ARHGAP20: variants seen among roughly 807,000 people sequenced by gnomAD.
ARHGAP20 encodes rho GTPase-activating protein 20.
In ARHGAP20, 34 loss-of-function variants were observed where a neutral mutation model predicts 73.7. That is an observed-to-expected ratio of 0.46 (90% CI 0.35 to 0.61). The LOEUF is 0.61. ARHGAP20 is among the 20% of genes least tolerant of loss of function. ARHGAP20 has a pLI of 0.00. For synonymous variants in ARHGAP20, 523 were observed against 518.2 expected (o/e 1.01, Z -0.13); for missense variants, 1,314 against 1,420.9 (o/e 0.92, Z 1.21).
intron 9 of ARHGAP20, among the ~76,000 whole-genome samples, chr11:110,598,158 A>G (rs958395117): frequency 4.9e-5 from 7 of 144,182 alleles, no homozygotes; most frequent in Non-Finnish European, 8.9e-5. Flanking sequence ...TCCCCAAATT[A>G]AGAATATCCC....
At position 110,653,019 on chromosome 11, in the gene ARHGAP20, C is replaced by T. The variant is rs139814269; in HGVS notation, c.189-22227G>A. Among the ~76,000 whole-genome samples the T allele has an allele frequency of 3.5e-3, 538 of 152,084 alleles. 5 individuals carry two copies. The highest frequency in any genetic ancestry group is 0.012 in the African/African-American group (511 of 41,512). ...GCTGGGAGAACTGGCTAGCCATATA[C>T]GCAGAGAATTGAAACTGGACCCTTT... On this transcript the variant is annotated intron_variant, in intron 2 of 14. Transcript: ENST00000683387.
Position 110,578,206 on chromosome 11 carries a change from TG to T in ARHGAP20, c.*1163del. 8 of 985,416 alleles carry T rather than the reference TG, an allele frequency of 8.1e-6. No individual in the cohort carries two copies. Among genetic ancestry groups the T allele is most frequent in the Non-Finnish European group, 9.6e-6 (8 of 829,922 alleles). 61.0% of individuals were successfully genotyped at this position (985,416 alleles called of 1,614,324 possible). The stretch of plus-strand genomic sequence containing the variant: ...AATGGGGTATAAGCCATGAAACATT[TG>T]GGGCAAAAATATGGAACAACGTCTG... On this transcript the variant is annotated 3_prime_UTR_variant, in exon 15 of 15. Transcript: ENST00000683387.
At chr11:110,698,136 T>C (rs552276537) in intron 1 of ARHGAP20, among the ~76,000 whole-genome samples, 4 of 151,898 alleles carry the variant, frequency 2.6e-5, no homozygotes, top group Non-Finnish European at 5.9e-5. Flanking sequence ...ACGAAGGATG[T>C]TGGATTTTAC....
At chr11:110,664,090 G>A (rs1949670943) in intron 2 of ARHGAP20, among the ~76,000 whole-genome samples, 1 of 152,084 alleles carries the variant, frequency 6.6e-6, no homozygotes, top group Non-Finnish European at 1.5e-5. Flanking sequence ...ATATAGAAGT[G>A]AACTTCCTCT....
intron 7 of ARHGAP20, among the ~76,000 whole-genome samples, chr11:110,610,572 T>C (rs994606002): frequency 2.6e-5 from 4 of 152,174 alleles, no homozygotes; most frequent in African/African-American, 9.6e-5. Context: ...GTGTGGTGTT[T>C]ATACAACTGG....
Position 110,624,337 on chromosome 11 carries a change from C to A in ARHGAP20, c.354-26G>T, listed in dbSNP as rs771851486. 14 of 1,493,872 alleles carry A rather than the reference C, an allele frequency of 9.4e-6. No homozygotes were observed. The South Asian group carries it at 1.6e-4, about 17-fold the overall frequency. The allele number at this position is 1,493,872 out of a possible 1,614,324, so 92.5% of individuals were successfully genotyped here. A position where few individuals can be genotyped will look rare whatever the true frequency, so the allele number is the denominator to read the frequency against. On this transcript the variant is annotated intron_variant, in intron 3 of 14. Transcript: ENST00000683387. ...CTAGAAAGATAAAAACCAAACAGAA[C>A]CTTTTGTTATTTTGTTTCTTAAATT...
intron 2 of ARHGAP20, among the ~76,000 whole-genome samples, chr11:110,678,360 A>G (rs540075150): frequency 1.5e-4 from 23 of 152,360 alleles, no homozygotes; most frequent in Non-Finnish European, 3.1e-4. Context: ...GAATTATACC[A>G]TAAGAACTGT....
intron 11 of ARHGAP20, among the ~76,000 whole-genome samples, chr11:110,588,549 G>A (rs1947734275): frequency 6.6e-6 from 1 of 152,132 alleles, no homozygotes; most frequent in East Asian, 1.9e-4. Context: ...TGGAAGAAAA[G>A]GGGGTAAAAC....
intron 2 of ARHGAP20, among the ~76,000 whole-genome samples, chr11:110,655,561 T>A (rs1032801432): frequency 2.0e-4 from 30 of 152,206 alleles, no homozygotes; most frequent in African/African-American, 7.2e-4. Flanking sequence ...AAGTATTTAC[T>A]AAATAAATTA....
intron 1 of ARHGAP20, among the ~76,000 whole-genome samples, chr11:110,700,677 A>G (rs1309127749): frequency 3.3e-5 from 5 of 150,888 alleles, no homozygotes; most frequent in Non-Finnish European, 5.9e-5. Context: ...CCATGCTGGT[A>G]TGCTGCACCC....
At chr11:110,711,564 C>T in intron 1 of ARHGAP20, 1 of 1,429,768 alleles carries the variant, frequency 7.0e-7, no homozygotes, top group Admixed American at 2.5e-5. Context: ...CAGTACTCCC[C>T]ATATCTGCCC....
At chr11:110,584,972 AAT>A (rs1555082422) in intron 12 of ARHGAP20, among the ~76,000 whole-genome samples, 1 of 145,950 alleles carries the variant, frequency 6.9e-6, no homozygotes, top group African/African-American at 2.6e-5. Context: ...TGAATATATG[AAT>A]ATATATGTGA....
intron 12 of ARHGAP20, among the ~76,000 whole-genome samples, chr11:110,584,986 AATAT>A (rs1246098327): frequency 1.4e-5 from 1 of 70,118 alleles, no homozygotes; most frequent in African/African-American, 3.7e-5. Context: ...TATATGTGAA[AATAT>A]ATATGAATAT....
chr11:110,652,413 AG>A (rs1467557611), intron 2 of ARHGAP20, among the ~76,000 whole-genome samples: 3 of 152,182 alleles, frequency 2.0e-5, no homozygotes, highest in African/African-American at 7.2e-5. Context: ...AAAGAAATAA[AG>A]GGTATTCAGA....
chr11:110,623,183 C>T (rs978152253), intron 4 of ARHGAP20, among the ~76,000 whole-genome samples: 8 of 152,096 alleles, frequency 5.3e-5, no homozygotes, highest in Non-Finnish European at 1.2e-4. Context: ...TAATGACATG[C>T]CTATCTTTTA....
intron 2 of ARHGAP20, among the ~76,000 whole-genome samples, chr11:110,663,548 A>C (rs905634993): frequency 2.0e-5 from 3 of 152,000 alleles, no homozygotes; most frequent in Non-Finnish European, 2.9e-5. Flanking sequence ...CTTACTCAAA[A>C]AGAAACAACC....
chr11:110,650,504 A>G (rs1949325678), intron 2 of ARHGAP20, among the ~76,000 whole-genome samples: 1 of 152,146 alleles, frequency 6.6e-6, no homozygotes, highest in Non-Finnish European at 1.5e-5. Context: ...CAGGATAAAG[A>G]AAGTAACTAA....
At chr11:110,620,376 C>G (rs76404925) in intron 4 of ARHGAP20, among the ~76,000 whole-genome samples, 4 of 151,982 alleles carry the variant, frequency 2.6e-5, no homozygotes, top group Non-Finnish European at 5.9e-5. Context: ...GCCTCAAACT[C>G]CCCCCCTCAA....
rs1950577324 is a variant in ARHGAP20 at position 110,707,867 on chromosome 11, T to C, written c.105+4260A>G. Among the ~76,000 whole-genome samples, 5 of 151,728 alleles carry C rather than the reference T, an allele frequency of 3.3e-5. No individual in the cohort carries two copies. In the South Asian group the frequency reaches 1.0e-3, roughly 31 times the overall value. The stretch of plus-strand genomic sequence containing the variant: ...TCACCATTTATTCATTTTTTTGTTT[T>C]TTTTTTTGTCTCTTCCTCTGACCCA... On this transcript the variant is annotated intron_variant, in intron 1 of 14. Coordinates refer to ENST00000683387, the MANE Select transcript of ARHGAP20 (RefSeq NM_001384657.1).
Sources: gnomAD v4.1 joint callset for allele counts (sites outside exome capture counted in the v4.1 genomes callset) on GRCh38, gnomAD v4.1.1 for gene constraint, MANE v1.5 for transcripts, NCBI Gene and HGNC (gene_info 2026-07-23, HGNC 2026-07-21) for gene names.